Variants in HEATR6 observed in about 807,000 individuals in gnomAD.
The protein encoded by HEATR6 is HEAT repeat containing 6.
A neutral mutation model predicts 132.8 loss-of-function variants in HEATR6; 106 were observed. That is an observed-to-expected ratio of 0.80 (90% confidence interval 0.68 to 0.94). HEATR6 has a LOEUF of 0.94. Among genes scored for constraint, HEATR6 ranks in the 40% least tolerant of loss-of-function variants. HEATR6 has a pLI of 0.00. For synonymous variants in HEATR6, 529 were observed against 537.8 expected, an observed-to-expected ratio of 0.98 and a Z score of 0.23; for missense variants, 1,339 against 1,425.1, an observed-to-expected ratio of 0.94 and a Z score of 0.97.
rs2083239163 is a variant in HEATR6, at chr17:60,066,139, G to A, written c.1416+70C>T. The A allele has an allele frequency of 3.9e-6, 5 of 1,285,762 alleles. No individual in the cohort carries two copies. The East Asian group carries it at 6.9e-5, about 18-fold the overall frequency. 79.6% of individuals were successfully genotyped at this position (1,285,762 alleles called of 1,614,324 possible). On this transcript the variant is annotated intron_variant, in intron 9 of 19. Coordinates refer to ENST00000184956, the MANE Select transcript of HEATR6 (RefSeq NM_022070.5). ...CTATATTCAGATCAGACAGGATAAGGCAGAGATAACAATAAGGATCTGTAA... is the reference window on the plus strand; with the variant it reads ...CTATATTCAGATCAGACAGGATAAGACAGAGATAACAATAAGGATCTGTAA...
rs1177943933 is a variant in HEATR6, at chr17:60,046,168, A to C, written c.2831T>G (p.Ile944Arg). The C allele has an allele frequency of 6.2e-7, 1 of 1,613,922 alleles. No individual in the cohort carries two copies. Among genetic ancestry groups the C allele is most frequent in the Admixed American group, 1.7e-5 (1 of 60,000 alleles). Residue 944 changes from isoleucine to arginine, a missense_variant, in exon 19 of 20, where the codon ATA (isoleucine) becomes AGA (arginine). Transcript: ENST00000184956. ...GATTTCTGCAAATGTGGGTTTTTCT[A>C]TATGAGAGGGTTGCAGAAAATGAAG... ...NLLHFLQPSH[I>R]EKPTFAEIIE... is the part of the protein sequence containing the mutation.
At chr17:60,056,977 C>A (rs1244931106) in intron 12 of HEATR6, 71 bp downstream of exon 12, 17 of 1,188,844 alleles carry the variant, frequency 1.4e-5, no homozygotes, top group Non-Finnish European at 2.4e-6. Flanking sequence ...TTTACCTGCT[C>A]GCTCCTCACA....
At chr17:60,054,653 T>C (rs1229026112) in intron 14 of HEATR6, among the ~76,000 whole-genome samples, 1 of 152,228 alleles carries the variant, frequency 6.6e-6, no homozygotes, top group Non-Finnish European at 1.5e-5. Context: ...TTTTGGCTGA[T>C]TTCTCCCTGT....
intron 9 of HEATR6, among the ~76,000 whole-genome samples, chr17:60,062,187 T>C (rs2083215865): frequency 6.6e-6 from 1 of 152,222 alleles, no homozygotes; most frequent in Non-Finnish European, 1.5e-5. Flanking sequence ...CTGGTACAAG[T>C]TTTGCTTCTT....
At position 60,046,111 on chromosome 17, in the gene HEATR6, G is replaced by A. The variant is rs745754858; in HGVS notation, c.2888C>T (p.Thr963Ile). Residue 963 changes from threonine (T) to isoleucine (I), a missense_variant, in exon 19 of 20, where the codon ACT becomes ATT. Coordinates refer to ENST00000184956, the MANE Select transcript of HEATR6 (RefSeq NM_022070.5). ...IEESIQALIS[T>I]VLTEAAMKVR... ...TTTCATGGCAGCTTCTGTTAGAACA[G>A]TAGAAATTAGGGCCTGGATAGACTC... 1 of 1,613,986 alleles carries A rather than the reference G, an allele frequency of 6.2e-7. No individual in the cohort carries two copies. Among genetic ancestry groups the A allele is most frequent in the South Asian group, 1.1e-5 (1 of 91,080 alleles).
rs531092208 is a variant in HEATR6 at position 60,049,122 on chromosome 17, A to AGTGT, written c.2547+454_2547+457dup. Among the ~76,000 whole-genome samples, 808 of 134,830 alleles carry AGTGT rather than the reference A, an allele frequency of 6.0e-3. 6 individuals carry two copies. The highest frequency in any genetic ancestry group is 9.0e-3 in the East Asian group (41 of 4,570). The allele number at this position is 134,830 out of a possible 152,430, so 88.5% of individuals were successfully genotyped here. The stretch of plus-strand genomic sequence containing the variant: ...TATGTAGAGAGAGAGAGAGACAGAG[A>AGTGT]GTGTGTGTGTGTGTGTGTGTGTGTG... On this transcript the variant is annotated intron_variant, in intron 16 of 19. Transcript: ENST00000184956.
chr17:60,066,920 C>T (rs754482473), intron 8 of HEATR6, among the ~76,000 whole-genome samples: 4 of 151,924 alleles, frequency 2.6e-5, no homozygotes, highest in South Asian at 2.1e-4. Context: ...GTTAGCAAGA[C>T]GAAAAGGCAA....
At position 60,066,251 on chromosome 17, in the gene HEATR6, T is replaced by C. The variant is rs2083239729; in HGVS notation, c.1374A>G (p.Ser458=). ...TCAATGTAAGAGTCATCAAGGACAC[T>C]GACTGTGGGCTGCCAAGTTCAGGCG... The part of the protein sequence containing the change: ...PDTPELGSPQ[S]VSLMTLTLKD... The change falls in exon 9 of 20, where the codon TCA becomes TCG. Residue 458 remains serine, a synonymous_variant. Coordinates refer to ENST00000184956, the MANE Select transcript of HEATR6 (RefSeq NM_022070.5). 3 of 1,614,112 alleles carry C rather than the reference T, an allele frequency of 1.9e-6. No homozygotes were observed. The highest frequency in any genetic ancestry group is 2.2e-5 in the East Asian group (1 of 44,888).
chr17:60,062,056 C>CA (rs1345588818), intron 9 of HEATR6, among the ~76,000 whole-genome samples: 1 of 152,176 alleles, frequency 6.6e-6, no homozygotes, highest in Admixed American at 6.5e-5. Context: ...CACTAAGTTA[C>CA]AAAATCTATA....
At position 60,073,257 on chromosome 17, in the gene HEATR6, T is replaced by C. The variant is rs777994387; in HGVS notation, c.491A>G (p.Asn164Ser). ...ACTCAACTTCATTAAGAGTCCGGTG[T>C]TGCCTAGCAGCTCTGGGAGGTACTA... ...CQKYLPELLG[N>S]TGLLMKLSDL... The change falls in exon 4 of 20, where the codon AAC (asparagine) becomes AGC (serine). Residue 164 changes from asparagine to serine, a missense_variant. Asn to Ser is a conservative substitution (Grantham distance 46, BLOSUM62 1). Transcript: ENST00000184956. 6.2e-7 allele frequency: 1 copy of C among 1,612,160 alleles called. No individual in the cohort carries two copies. The highest frequency in any genetic ancestry group is 1.7e-5 in the Admixed American group (1 of 60,024).
intron 9 of HEATR6, among the ~76,000 whole-genome samples, chr17:60,062,633 G>A (rs916326177): frequency 6.6e-6 from 1 of 152,162 alleles, no homozygotes; most frequent in Non-Finnish European, 1.5e-5. Flanking sequence ...GCACATGACT[G>A]TTCACATGTT....
chr17:60,073,166 G>C lies in HEATR6; in HGVS notation c.582C>G (p.Leu194=), dbSNP rs1374473040. ...AAVHCMANLC[L]SVPGQPYLEE... is the part of the protein sequence containing the mutation. ...GAAACTTGACTGGAGCCACATACCTGAGACATAAGTTTGCCATACAATGTA... is the reference window on the plus strand; with the variant it reads ...GAAACTTGACTGGAGCCACATACCTCAGACATAAGTTTGCCATACAATGTA... The change falls in exon 4 of 20, where the codon CTC becomes CTG. Residue 194 remains leucine, a splice_region_variant and synonymous_variant. Coordinates refer to ENST00000184956, the MANE Select transcript of HEATR6 (RefSeq NM_022070.5). 3 of 1,580,224 alleles carry C rather than the reference G, an allele frequency of 1.9e-6. No homozygotes were observed. In the South Asian group the frequency reaches 3.3e-5, roughly 17 times the overall value.
At chr17:60,067,087 G>A (rs1568634971) in intron 8 of HEATR6, among the ~76,000 whole-genome samples, 1 of 151,650 alleles carries the variant, frequency 6.6e-6, no homozygotes. Context: ...CGGCTAAAAC[G>A]GTGAAACCCC....
In HEATR6 at chr17:60,046,194, C is replaced by G. The variant is rs1906359875; in HGVS notation, c.2805G>C (p.Leu935Phe). ...KSNAVRALGN[L>F]LHFLQPSHIE... is the part of the protein sequence containing the mutation. The stretch of plus-strand genomic sequence containing the variant: ...TATGAGAGGGTTGCAGAAAATGAAG[C>G]AAATTTCCAAGGGCCCGGACTGCAT... The change falls in exon 19 of 20, where the codon TTG (leucine) becomes TTC (phenylalanine). Residue 935 changes from leucine (L) to phenylalanine (F), a missense_variant. Leu to Phe is a conservative substitution (Grantham distance 22). Transcript: ENST00000184956. 1 of 1,613,666 alleles carries G rather than the reference C, an allele frequency of 6.2e-7. No homozygotes were observed. Among genetic ancestry groups the G allele is most frequent in the African/African-American group, 1.3e-5 (1 of 74,902 alleles).
chr17:60,057,639 T>C (rs997659054), intron 11 of HEATR6, among the ~76,000 whole-genome samples: 1 of 152,302 alleles, frequency 6.6e-6, no homozygotes, highest in Non-Finnish European at 1.5e-5. Flanking sequence ...GTGACAGAGC[T>C]TAGAGTTCAC....
At chr17:60,069,621 T>C (rs2083260433) in intron 7 of HEATR6, 90 bp downstream of exon 7, 3 of 1,229,738 alleles carry the variant, frequency 2.4e-6, no homozygotes, top group African/African-American at 1.5e-5. Context: ...GGTAGGCTTT[T>C]AGGGTAGTAG....
At position 60,067,438 on chromosome 17, in the gene HEATR6, T is replaced by C. The variant is rs138093974; in HGVS notation, c.1234A>G (p.Met412Val). 4 of 1,532,762 alleles carry C rather than the reference T, an allele frequency of 2.6e-6. No individual in the cohort carries two copies. Among genetic ancestry groups the C allele is most frequent in the Non-Finnish European group, 3.5e-6 (4 of 1,143,828 alleles). 94.9% of individuals were successfully genotyped at this position (1,532,762 alleles called of 1,614,324 possible). A position where few individuals can be genotyped will look rare whatever the true frequency, so the allele number is the denominator to read the frequency against. Residue 412 changes from methionine to valine, a missense_variant, in exon 8 of 20, where the codon ATG (methionine) becomes GTG (valine). Physicochemically the swap from Met to Val is conservative, Grantham distance 21. Coordinates refer to ENST00000184956, the MANE Select transcript of HEATR6 (RefSeq NM_022070.5). ...AATGTAACAAAATACTACTACCTCA[T>C]TTTACTCTGCATGCCTCCTTCAGCA... is the stretch of plus-strand genomic sequence containing the variant. ...SDAEGGMQSK[M>V]RSYQAKVRQG... is the part of the protein sequence containing the mutation.
At chr17:60,048,442 T>C in intron 16 of HEATR6, 54 bp from the exon 17 acceptor site, 2 of 1,504,146 alleles carry the variant, frequency 1.3e-6, no homozygotes, top group Non-Finnish European at 1.8e-6. Flanking sequence ...GCTGCTACCT[T>C]TGAAATTCTC....
At chr17:60,075,315 G>A (rs1017008971) in intron 2 of HEATR6, among the ~76,000 whole-genome samples, 5 of 152,208 alleles carry the variant, frequency 3.3e-5, no homozygotes, top group Non-Finnish European at 7.3e-5. Context: ...AGGGGCTACA[G>A]ATGCGTCCCT....
Sources: gnomAD v4.1 joint callset for allele counts (sites outside exome capture counted in the v4.1 genomes callset) on GRCh38, gnomAD v4.1.1 for gene constraint, MANE v1.5 for transcripts, NCBI Gene and HGNC (gene_info 2026-07-23, HGNC 2026-07-21) for gene names.